The following NF2 variants were observed in gnomAD, a reference collection of about 807,000 sequenced individuals.
NF2 encodes the protein NF2, moesin-ezrin-radixin like (MERLIN) tumor suppressor, also known as merlin.
Under a neutral mutation model 83.7 loss-of-function variants are expected in NF2, and 8 were observed. That is an observed-to-expected ratio of 0.10 (90% CI 0.06 to 0.17). NF2 has a LOEUF of 0.17. Ranked by LOEUF, NF2 falls within the 10% of genes least tolerant of loss-of-function variation. The pLI is 1.00. For synonymous variants in NF2, 266 were observed against 269.6 expected (o/e 0.99, Z 0.13); for missense variants, 533 against 744.4 (o/e 0.72, Z 3.31).
At chr22:29,614,306 G>A (rs1048197326) in intron 1 of NF2, among the ~76,000 whole-genome samples, 8 of 151,608 alleles carry the variant, frequency 5.3e-5, no homozygotes, top group Admixed American at 2.0e-4. Flanking sequence ...GGCCGGGTGC[G>A]GTGGCTCAAC....
chr22:29,674,238 G>A (rs2066894183), intron 12 of NF2, among the ~76,000 whole-genome samples: 1 of 152,124 alleles, frequency 6.6e-6, no homozygotes, highest in Non-Finnish European at 1.5e-5. Context: ...CTGTATTCGG[G>A]GGTCACTCCC....
intron 10 of NF2, among the ~76,000 whole-genome samples, chr22:29,669,493 C>G (rs2066719643): frequency 6.6e-6 from 1 of 152,126 alleles, no homozygotes; most frequent in South Asian, 2.1e-4. Flanking sequence ...GGTGACCAAG[C>G]AAGACCCTGT....
At chr22:29,646,380 C>T (rs906860461) in intron 4 of NF2, among the ~76,000 whole-genome samples, 1 of 152,166 alleles carries the variant, frequency 6.6e-6, no homozygotes, top group Non-Finnish European at 1.5e-5. Flanking sequence ...CACTGTCTAG[C>T]TTGAGGGAGG....
intron 15 of NF2, among the ~76,000 whole-genome samples, chr22:29,689,433 G>T (rs1011379258): frequency 2.6e-5 from 4 of 151,886 alleles, no homozygotes; most frequent in African/African-American, 9.7e-5. Flanking sequence ...ACCCTCCCCC[G>T]CTCCTTCGTT....
At position 29,655,656 on chromosome 22, in the gene NF2, A is replaced by G. The variant is rs1332985565; in HGVS notation, c.579A>G (p.Ala193=). The part of the protein sequence containing the change: ...MWEERITAWY[A]EHRGRARDEA... ...AGGAGAGAATTACTGCTTGGTACGC[A>G]GAGCACCGAGGCCGAGCCAGGTGAG... The change falls in exon 6 of 16, where the codon GCA becomes GCG. Residue 193 remains alanine (A), a synonymous_variant. Coordinates refer to ENST00000338641, the MANE Select transcript of NF2 (RefSeq NM_000268.4). The G allele has an allele frequency of 9.3e-6, 15 of 1,613,452 alleles. No homozygotes were observed. Among genetic ancestry groups the G allele is most frequent in the East Asian group, 2.2e-5 (1 of 44,868 alleles).
intron 1 of NF2, among the ~76,000 whole-genome samples, chr22:29,632,714 G>A (rs1210884611): frequency 6.6e-6 from 1 of 152,182 alleles, no homozygotes; most frequent in Non-Finnish European, 1.5e-5. Flanking sequence ...AGTCAAGTCC[G>A]TCCACAGTCC....
intron 15 of NF2, among the ~76,000 whole-genome samples, chr22:29,693,341 A>C (rs2067456534): frequency 6.6e-6 from 1 of 152,236 alleles, no homozygotes; most frequent in Non-Finnish European, 1.5e-5. Flanking sequence ...AAGGCAGCTG[A>C]GCTGCCTCCC....
intron 1 of NF2, among the ~76,000 whole-genome samples, chr22:29,630,207 C>CA (rs1289495805): frequency 6.6e-6 from 1 of 152,188 alleles, no homozygotes; most frequent in Non-Finnish European, 1.5e-5. Flanking sequence ...TAATAGAACT[C>CA]AATCAGTCCT....
At chr22:29,632,757 G>C (rs1175259385) in intron 1 of NF2, among the ~76,000 whole-genome samples, 2 of 152,172 alleles carry the variant, frequency 1.3e-5, no homozygotes, top group Non-Finnish European at 2.9e-5. Flanking sequence ...GCCATGTCTT[G>C]TATGTACACA....
chr22:29,696,847 C>T lies in NF2; in HGVS notation c.*2045C>T, dbSNP rs1173334661. The T allele has an allele frequency of 6.1e-6, 1 of 165,136 alleles. No homozygotes were observed. The highest frequency in any genetic ancestry group is 1.2e-5 in the Non-Finnish European group (1 of 82,230). 10.2% of individuals were successfully genotyped at this position (165,136 alleles called of 1,614,324 possible). On this transcript the variant is annotated 3_prime_UTR_variant, in exon 16 of 16. Transcript: ENST00000338641. Reference sequence around the variant, plus strand: ...CTGTTTTTTTTTTGAGATGGAGTCTCGCTCTGTCGCCCAGGCTGGAGTGCA... The same window carrying T: ...CTGTTTTTTTTTTGAGATGGAGTCTTGCTCTGTCGCCCAGGCTGGAGTGCA...
intron 4 of NF2, among the ~76,000 whole-genome samples, chr22:29,645,123 C>T (rs2065948081): frequency 1.3e-5 from 2 of 152,032 alleles, no homozygotes; most frequent in Non-Finnish European, 2.9e-5. Flanking sequence ...CAGATCAAAG[C>T]CAGGAAGTAA....
Position 29,603,723 on chromosome 22 carries a change from CGAATCCCGGAGT to C in NF2, c.-274_-263del. The C allele has an allele frequency of 2.2e-6, 1 of 454,738 alleles. No individual in the cohort carries two copies. The highest frequency in any genetic ancestry group is 3.9e-6 in the Non-Finnish European group (1 of 258,722). The allele number at this position is 454,738 out of a possible 1,614,324, so 28.2% of individuals were successfully genotyped here. On this transcript the variant is annotated 5_prime_UTR_variant, in exon 1 of 16. Transcript: ENST00000338641. ...CGAGGCGTCCCCGGCATCTCCGGCC[CGAATCCCGGAGT>C]GCCGGGTCGCGCCTGCACCGAAGGT... is the stretch of plus-strand genomic sequence containing the variant.
At chr22:29,627,025 G>T (rs2146799247) in intron 1 of NF2, among the ~76,000 whole-genome samples, 1 of 152,274 alleles carries the variant, frequency 6.6e-6, no homozygotes, top group African/African-American at 2.4e-5. Context: ...TGATTATTAG[G>T]AGTAAGGAAC....
At chr22:29,613,744 A>C (rs1008742980) in intron 1 of NF2, among the ~76,000 whole-genome samples, 1 of 151,142 alleles carries the variant, frequency 6.6e-6, no homozygotes, top group Non-Finnish European at 1.5e-5. Context: ...GTGAGAAGGA[A>C]TAGTCCTTTC....
At chr22:29,670,527 G>GTGTGTGTT (rs1347755161) in intron 10 of NF2, among the ~76,000 whole-genome samples, 1 of 151,888 alleles carries the variant, frequency 6.6e-6, no homozygotes, top group African/African-American at 2.4e-5. Context: ...GTGTGTGTGT[G>GTGTGTGTT]TGTGTGTGTG....
At chr22:29,660,045 T>C (rs1015761875) in intron 7 of NF2, among the ~76,000 whole-genome samples, 2 of 152,210 alleles carry the variant, frequency 1.3e-5, no homozygotes, top group South Asian at 4.1e-4. Flanking sequence ...TTTCTGCCCT[T>C]GAGTCTTGGT....
At chr22:29,633,332 TC>T (rs1396275410) in intron 1 of NF2, among the ~76,000 whole-genome samples, 1 of 152,154 alleles carries the variant, frequency 6.6e-6, no homozygotes, top group Non-Finnish European at 1.5e-5. Flanking sequence ...ATTCCATCTC[TC>T]CTTTAGTGGA....
intron 4 of NF2, among the ~76,000 whole-genome samples, chr22:29,653,443 C>CA (rs57099430): frequency 0.05 from 4,698 of 94,082 alleles, 126 homozygotes; most frequent in African/African-American, 0.073. Context: ...GACTCTGTCT[C>CA]AAAAAAAAAA....
Position 29,604,038 on chromosome 22 carries a change from C to G in NF2, c.40C>G (p.Leu14Val). The stretch of plus-strand genomic sequence containing the variant: ...CGCTTCCCGCATGAGCTTCAGCTCT[C>G]TCAAGAGGAAGCAACCCAAGACGTT... ...AIASRMSFSS[L>V]KRKQPKTFTV... is the part of the protein sequence containing the mutation. Residue 14 changes from leucine to valine, a missense_variant, in exon 1 of 16, where the codon CTC (leucine) becomes GTC (valine). This residue lies in a region of NF2 where 326 missense variants were observed against 475.1 expected (regional missense o/e 0.69). Transcript: ENST00000338641. 6.2e-7 allele frequency: 1 copy of G among 1,603,340 alleles called. No homozygotes were observed. The highest frequency in any genetic ancestry group is 8.5e-7 in the Non-Finnish European group (1 of 1,175,134).
Sources: allele counts gnomAD v4.1 joint callset (sites outside exome capture counted in the v4.1 genomes callset), GRCh38; gene constraint gnomAD v4.1.1; regional missense constraint gnomAD v4.1.1; transcripts MANE v1.5; gene names NCBI Gene and HGNC (gene_info 2026-07-23, HGNC 2026-07-21).